HMBOX1: variants seen among roughly 807,000 people sequenced by gnomAD.
The protein encoded by HMBOX1 is homeobox-containing protein 1.
HMBOX1 carries 14 observed loss-of-function variants against 54.5 expected under a neutral mutation model. That is an observed-to-expected ratio of 0.26 (90% CI 0.17 to 0.40). The LOEUF (loss-of-function observed/expected upper bound fraction) is 0.40, where lower values mean the gene tolerates loss of function less well. Ranked by LOEUF, HMBOX1 falls within the 10% of genes least tolerant of loss-of-function variation. The pLI is 1.00. For synonymous variants in HMBOX1, 160 were observed against 181.0 expected, an observed-to-expected ratio of 0.88 and a Z score of 0.93; for missense variants, 332 against 514.4, an observed-to-expected ratio of 0.65 and a Z score of 3.43.
chr8:28,915,279 T>C (rs113600074), intron 1 of HMBOX1, among the ~76,000 whole-genome samples: 7,124 of 152,102 alleles, frequency 0.047, 454 homozygotes, highest in African/African-American at 0.15. Context: ...AGGGTCTGAC[T>C]GGGCGCCGTG....
Position 29,010,204 on chromosome 8 carries a change from G to A in HMBOX1, c.697+1022G>A, listed in dbSNP as rs565308772. The A allele has an allele frequency of 2.1e-5, 19 of 902,160 alleles. No individual in the cohort carries two copies. In the African/African-American group the frequency reaches 2.7e-4, roughly 13 times the overall value. The allele number at this position is 902,160 out of a possible 1,614,324, so 55.9% of individuals were successfully genotyped here. A position where few individuals can be genotyped will look rare whatever the true frequency, so the allele number is the denominator to read the frequency against. On this transcript the variant is annotated intron_variant, in intron 5 of 9. Transcript: ENST00000287701. ...GTTTTTATTTTGAAATGTTTCAGAT[G>A]TACAGAAAATTCAAAAGACTAACAC...
At chr8:29,002,405 C>T (rs1281839259) in intron 4 of HMBOX1, among the ~76,000 whole-genome samples, 5 of 152,162 alleles carry the variant, frequency 3.3e-5, no homozygotes, top group Admixed American at 3.3e-4. Context: ...ATTTGTGCCA[C>T]ATTTGTTGGT....
chr8:29,001,335 A>T (rs1353319088), intron 4 of HMBOX1, among the ~76,000 whole-genome samples: 2 of 152,186 alleles, frequency 1.3e-5, no homozygotes, highest in Non-Finnish European at 2.9e-5. Context: ...GGCTCACCTA[A>T]GGTCAGGAGT....
At chr8:28,977,975 T>TATTTCAA (rs1828717109) in intron 3 of HMBOX1, among the ~76,000 whole-genome samples, 1 of 150,736 alleles carries the variant, frequency 6.6e-6, no homozygotes, top group South Asian at 2.1e-4. Context: ...AAGAAAGAAA[T>TATTTCAA]ATTTCAAATA....
chr8:28,899,207 G>A (rs532886669), intron 1 of HMBOX1, among the ~76,000 whole-genome samples: 1 of 152,304 alleles, frequency 6.6e-6, no homozygotes, highest in South Asian at 2.1e-4. Context: ...ATACATGAAC[G>A]TACTATCTCT....
intron 6 of HMBOX1, among the ~76,000 whole-genome samples, chr8:29,024,406 C>G (rs1327600025): frequency 2.6e-5 from 4 of 152,106 alleles, no homozygotes; most frequent in Non-Finnish European, 4.4e-5. Flanking sequence ...GTTAATTATA[C>G]CGTAAGTGTT....
intron 1 of HMBOX1, among the ~76,000 whole-genome samples, chr8:28,913,786 T>G (rs1352845139): frequency 6.6e-6 from 1 of 151,894 alleles, no homozygotes; most frequent in East Asian, 1.9e-4. Context: ...AAAGTCTCAC[T>G]CTGTCGCCCA....
chr8:29,045,510 G>A, intron 7 of HMBOX1, 67 bp downstream of exon 7: 5 of 1,268,978 alleles, frequency 3.9e-6, no homozygotes, highest in Non-Finnish European at 5.7e-6. Context: ...TGGCATCTAG[G>A]ACACTTAATC....
chr8:28,980,712 C>A (rs1278644882), intron 4 of HMBOX1, among the ~76,000 whole-genome samples: 1 of 152,122 alleles, frequency 6.6e-6, no homozygotes, highest in Non-Finnish European at 1.5e-5. Context: ...ATGTGTCATT[C>A]TCTATTCAGA....
intron 1 of HMBOX1, among the ~76,000 whole-genome samples, chr8:28,960,768 T>TC (rs1563472860): frequency 1.9e-3 from 6 of 3,106 alleles, no homozygotes; most frequent in African/African-American, 4.0e-3. Flanking sequence ...TCTTTTTCTT[T>TC]TTTTTTTTTT....
At chr8:28,945,509 T>G (rs755030574) in intron 1 of HMBOX1, among the ~76,000 whole-genome samples, 5 of 152,202 alleles carry the variant, frequency 3.3e-5, no homozygotes, top group Non-Finnish European at 7.3e-5. Flanking sequence ...TGCATTAGTA[T>G]AACAGAAAGA....
intron 4 of HMBOX1, among the ~76,000 whole-genome samples, chr8:28,992,813 C>T (rs1159601402): frequency 1.6e-5 from 2 of 127,236 alleles, no homozygotes; most frequent in Non-Finnish European, 3.1e-5. Context: ...GAGGTTGCAG[C>T]GAGCTGAGAT....
In HMBOX1 at chr8:29,017,532, T is replaced by C. The variant is rs1835209999; in HGVS notation, c.698-1228T>C. Among the ~76,000 whole-genome samples, 3 of 152,334 alleles carry C rather than the reference T, an allele frequency of 2.0e-5. No homozygotes were observed. The South Asian group carries it at 6.2e-4, about 32-fold the overall frequency. ...AAAAATTGATCTGATACTGGAAATATTTTGAAGATAAAATGAACTTGCCTA... is the reference window on the plus strand; with the variant it reads ...AAAAATTGATCTGATACTGGAAATACTTTGAAGATAAAATGAACTTGCCTA... On this transcript the variant is annotated intron_variant, in intron 5 of 9. Transcript: ENST00000287701.
intron 1 of HMBOX1, among the ~76,000 whole-genome samples, chr8:28,897,032 T>C (rs536938520): frequency 2.0e-4 from 31 of 151,668 alleles, no homozygotes; most frequent in Middle Eastern, 6.8e-3. Context: ...TTACCCAGGC[T>C]GGAGTACAAT....
intron 1 of HMBOX1, among the ~76,000 whole-genome samples, chr8:28,957,468 T>C (rs1240641908): frequency 2.0e-5 from 3 of 152,206 alleles, no homozygotes. Context: ...CTATGCCCAC[T>C]ACCTGAGTGA....
chr8:28,958,677 A>C (rs17059572), intron 1 of HMBOX1, among the ~76,000 whole-genome samples: 9,106 of 152,050 alleles, frequency 0.06, 809 homozygotes, highest in East Asian at 0.47. Context: ...TACTCTCTCT[A>C]TATATATTTA....
Position 28,969,947 on chromosome 8 carries a change from T to C in HMBOX1, c.24-96T>C, listed in dbSNP as rs116025055. Reference sequence around the variant, plus strand: ...TACCTTCATTTTCAATACAGAAGCTTATGTAGAAATATTGCATCTTCTGAG... The same window carrying C: ...TACCTTCATTTTCAATACAGAAGCTCATGTAGAAATATTGCATCTTCTGAG... On this transcript the variant is annotated intron_variant, in intron 2 of 9. Transcript: ENST00000287701. 1.3e-5 allele frequency: 10 copies of C among 769,536 alleles called. No individual in the cohort carries two copies. The African/African-American group carries it at 1.7e-4, about 13-fold the overall frequency. 47.7% of individuals were successfully genotyped at this position (769,536 alleles called of 1,614,324 possible).
chr8:29,000,914 T>G (rs1180958409), intron 4 of HMBOX1, among the ~76,000 whole-genome samples: 3 of 152,196 alleles, frequency 2.0e-5, no homozygotes, highest in African/African-American at 7.2e-5. Flanking sequence ...TAAATGCTCT[T>G]TGGATTGTTG....
At chr8:28,986,423 CA>C (rs1450967397) in intron 4 of HMBOX1, among the ~76,000 whole-genome samples, 2 of 152,304 alleles carry the variant, frequency 1.3e-5, no homozygotes, top group African/African-American at 4.8e-5. Flanking sequence ...GAATATGTCA[CA>C]GACTGTGGAA....
Sources: allele counts gnomAD v4.1 joint callset (sites outside exome capture counted in the v4.1 genomes callset), GRCh38; gene constraint gnomAD v4.1.1; transcripts MANE v1.5; gene names NCBI Gene and HGNC (gene_info 2026-07-23, HGNC 2026-07-21).